Variants in EVA1C observed in about 807,000 individuals in gnomAD.
EVA1C encodes the protein protein eva-1 homolog C.
A neutral mutation model predicts 45.4 loss-of-function variants in EVA1C; 25 were observed. The ratio of observed to expected loss-of-function variants is 0.55; its 90% CI spans 0.40 to 0.77. EVA1C has a LOEUF of 0.77. EVA1C is among the 30% of genes least tolerant of loss of function. EVA1C has a pLI of 0.00. For missense variants in EVA1C, 479 were observed against 554.8 expected (o/e 0.86, Z 1.37); for synonymous variants, 190 against 221.2 (o/e 0.86, Z 1.25).
chr21:32,481,227 A>G (rs1257743052), intron 4 of EVA1C, among the ~76,000 whole-genome samples: 1 of 152,134 alleles, frequency 6.6e-6, no homozygotes, highest in Non-Finnish European at 1.5e-5. Flanking sequence ...AAATTTCACA[A>G]TTCAGACTAT....
chr21:32,425,812 C>T (rs1461222957), intron 1 of EVA1C, among the ~76,000 whole-genome samples: 1 of 152,156 alleles, frequency 6.6e-6, no homozygotes, highest in Non-Finnish European at 1.5e-5. Flanking sequence ...AAGCCAGGGA[C>T]ACCGCTAAAC....
chr21:32,500,012 C>T (rs1347437279), intron 5 of EVA1C, among the ~76,000 whole-genome samples: 2 of 152,122 alleles, frequency 1.3e-5, no homozygotes, highest in East Asian at 3.9e-4. Flanking sequence ...TAGCAAATCA[C>T]TTTAGCACAG....
chr21:32,501,179 A>AT lies in EVA1C; in HGVS notation c.779-228dup, dbSNP rs200151428. 3.3e-3 allele frequency among the ~76,000 whole-genome samples: 499 copies of AT among 151,586 alleles called. 4 individuals carry two copies. The highest frequency in any genetic ancestry group is 0.017 in the Middle Eastern group (5 of 294). On this transcript the variant is annotated intron_variant, in intron 5 of 7. Coordinates refer to ENST00000300255, the MANE Select transcript of EVA1C (RefSeq NM_058187.5). Reference sequence around the variant, plus strand: ...ATATCATATCTTGTTTTTATTCTCCATTTTTTTTAATATTGCAAAATGGGC... The same window carrying AT: ...ATATCATATCTTGTTTTTATTCTCCATTTTTTTTTAATATTGCAAAATGGGC...
chr21:32,456,049 C>T (rs988168830), intron 2 of EVA1C, among the ~76,000 whole-genome samples: 2 of 152,128 alleles, frequency 1.3e-5, no homozygotes, highest in African/African-American at 2.4e-5. Flanking sequence ...CCCACCACCA[C>T]GCCTGCTAAT....
rs138228661 is a variant in EVA1C, at chr21:32,456,507, T to A, written c.358-1090T>A. 3.5e-3 allele frequency among the ~76,000 whole-genome samples: 540 copies of A among 152,186 alleles called. 5 individuals carry two copies. Among genetic ancestry groups the A allele is most frequent in the Middle Eastern group, 0.017 (5 of 294 alleles). ...ACCTTCTGGGGTCTGAGGGGTTTCT[T>A]GGGTATTTTTTCCTGATTGAGACAC... On this transcript the variant is annotated intron_variant, in intron 2 of 7. Coordinates refer to ENST00000300255, the MANE Select transcript of EVA1C (RefSeq NM_058187.5).
intron 7 of EVA1C, among the ~76,000 whole-genome samples, chr21:32,511,843 G>A (rs1321415793): frequency 6.6e-6 from 1 of 152,108 alleles, no homozygotes; most frequent in Non-Finnish European, 1.5e-5. Context: ...CAGGGACATT[G>A]ACAAGAATGC....
At chr21:32,489,641 C>T (rs1054534085) in intron 4 of EVA1C, among the ~76,000 whole-genome samples, 4 of 152,058 alleles carry the variant, frequency 2.6e-5, no homozygotes, top group South Asian at 2.1e-4. Flanking sequence ...TGGAAAATGT[C>T]GTTGGAATTT....
At chr21:32,486,202 C>A (rs1364181474) in intron 4 of EVA1C, among the ~76,000 whole-genome samples, 1 of 152,206 alleles carries the variant, frequency 6.6e-6, no homozygotes, top group Non-Finnish European at 1.5e-5. Flanking sequence ...TGGCTTACTG[C>A]AACCTCCACT....
intron 3 of EVA1C, among the ~76,000 whole-genome samples, chr21:32,462,203 T>C (rs2146283782): frequency 7.4e-6 from 1 of 135,792 alleles, no homozygotes; most frequent in East Asian, 2.1e-4. Flanking sequence ...CTGGGTAACA[T>C]AGGGAGACCC....
chr21:32,453,552 C>T (rs532472760), intron 2 of EVA1C, 44 bp downstream of exon 2: 1 of 1,327,434 alleles, frequency 7.5e-7, no homozygotes, highest in Admixed American at 1.8e-5. Context: ...AGTTTCAACA[C>T]ACACTCTTTC....
intron 1 of EVA1C, among the ~76,000 whole-genome samples, chr21:32,447,094 A>G (rs1057466471): frequency 7.9e-5 from 12 of 152,242 alleles, no homozygotes; most frequent in African/African-American, 2.2e-4. Context: ...ACCATAACCC[A>G]TGGTAAGAAA....
intron 1 of EVA1C, among the ~76,000 whole-genome samples, chr21:32,430,570 C>T (rs1335764082): frequency 2.6e-5 from 4 of 151,958 alleles, no homozygotes; most frequent in African/African-American, 4.8e-5. Flanking sequence ...CACAGATCCA[C>T]GTGACTGGGG....
At chr21:32,472,642 GAA>G (rs376382557) in intron 4 of EVA1C, among the ~76,000 whole-genome samples, 1 of 140,302 alleles carries the variant, frequency 7.1e-6, no homozygotes, top group Non-Finnish European at 1.6e-5. Flanking sequence ...TCTCTTAAAA[GAA>G]AAAAAAAAAG....
At chr21:32,467,104 G>A (rs1212941085) in intron 3 of EVA1C, among the ~76,000 whole-genome samples, 1 of 152,186 alleles carries the variant, frequency 6.6e-6, no homozygotes, top group Non-Finnish European at 1.5e-5. Flanking sequence ...AGTGAGCTAT[G>A]ATTGCACCAC....
intron 2 of EVA1C, among the ~76,000 whole-genome samples, chr21:32,455,410 G>A (rs149892612): frequency 6.6e-6 from 1 of 152,264 alleles, no homozygotes; most frequent in African/African-American, 2.4e-5. Context: ...TGTTAACACT[G>A]TTACTGTTAA....
At chr21:32,475,623 A>G (rs1486981220) in intron 4 of EVA1C, among the ~76,000 whole-genome samples, 2 of 152,102 alleles carry the variant, frequency 1.3e-5, no homozygotes, top group South Asian at 2.1e-4. Flanking sequence ...AATCCTAACA[A>G]TGCCGAGCAC....
intron 1 of EVA1C, among the ~76,000 whole-genome samples, chr21:32,436,896 A>G (rs1353153552): frequency 1.3e-5 from 2 of 152,196 alleles, no homozygotes; most frequent in Non-Finnish European, 2.9e-5. Flanking sequence ...GCAGTGGCTC[A>G]TGCCTGTAAT....
intron 1 of EVA1C, among the ~76,000 whole-genome samples, chr21:32,423,070 CAAAA>C (rs3056306): frequency 4.7e-5 from 4 of 85,626 alleles, no homozygotes; most frequent in African/African-American, 1.8e-4. Context: ...GACTCTGTCT[CAAAA>C]AAAAAAAAAA....
intron 1 of EVA1C, among the ~76,000 whole-genome samples, chr21:32,418,036 C>T (rs1341531869): frequency 1.3e-5 from 2 of 152,106 alleles, no homozygotes; most frequent in Non-Finnish European, 2.9e-5. Context: ...CCTTCACCCC[C>T]TACCCTAGGG....
Sources: allele counts gnomAD v4.1 joint callset (sites outside exome capture counted in the v4.1 genomes callset), GRCh38; gene constraint gnomAD v4.1.1; transcripts MANE v1.5; gene names NCBI Gene and HGNC (gene_info 2026-07-23, HGNC 2026-07-21).